FAM53A: variants seen among roughly 807,000 people sequenced by gnomAD.
FAM53A encodes family with sequence similarity 53 member A.
FAM53A carries 28 observed loss-of-function variants against 26.6 expected under a neutral mutation model. The observed-to-expected ratio is 1.05, with a 90% CI of 0.78 to 1.45. The LOEUF (loss-of-function observed/expected upper bound fraction) is 1.45. Ranked by LOEUF, FAM53A falls within the 40% of genes most tolerant of loss-of-function variation. The pLI is 0.00. For missense variants in FAM53A, 650 were observed against 575.8 expected (o/e 1.13, Z -1.32); for synonymous variants, 290 against 253.1 (o/e 1.15, Z -1.38).
At chr4:1,587,775 T>C in the FAM53A span, among the ~76,000 whole-genome samples, 2 of 152,200 alleles carry the variant, frequency 1.3e-5, no homozygotes, top group African/African-American at 4.8e-5. Context: ...TGTCTTCAGT[T>C]TTATTATTTA....
At position 1,644,454 on chromosome 4, in the gene FAM53A, C is replaced by T. The variant is rs1463821063; in HGVS notation, c.883-2847G>A. The stretch of plus-strand genomic sequence containing the variant: ...CTGTACAGCTCAGCGCCCAACAGCG[C>T]TAGCGAAGGCCACACGGAACTGAAG... On this transcript the variant is annotated intron_variant, in intron 4 of 4. Transcript: ENST00000308132. 5.2e-6 allele frequency: 7 copies of T among 1,350,366 alleles called. No homozygotes were observed. In the Admixed American group the frequency reaches 1.7e-4, roughly 33 times the overall value. 83.6% of individuals were successfully genotyped at this position (1,350,366 alleles called of 1,614,324 possible).
At chr4:1,631,870 A>T (rs1478083685) in intron 1 of FAM53A, among the ~76,000 whole-genome samples, 1 of 152,208 alleles carries the variant, frequency 6.6e-6, no homozygotes, top group Admixed American at 6.5e-5. Flanking sequence ...TTTAAAAATT[A>T]TCCAAGCCAC....
intron 4 of FAM53A, among the ~76,000 whole-genome samples, chr4:1,647,152 T>C (rs1712317539): frequency 6.7e-6 from 1 of 150,264 alleles, no homozygotes; most frequent in African/African-American, 2.4e-5. Flanking sequence ...ATGGCCAACA[T>C]AGTGAAACCC....
At chr4:1,596,769 G>A in the FAM53A span, among the ~76,000 whole-genome samples, 1 of 152,190 alleles carries the variant, frequency 6.6e-6, no homozygotes, top group Non-Finnish European at 1.5e-5. Flanking sequence ...TTAAAAGGGG[G>A]AAAGACAGAG....
At chr4:1,671,006 G>A (rs560341090) in intron 1 of FAM53A, among the ~76,000 whole-genome samples, 574 of 148,862 alleles carry the variant, frequency 3.9e-3, no homozygotes, top group Non-Finnish European at 6.8e-3. Flanking sequence ...CCCAGCGTCA[G>A]AGCCAACAGC....
chr4:1,591,114 T>C, the FAM53A span, among the ~76,000 whole-genome samples: 1 of 151,608 alleles, frequency 6.6e-6, no homozygotes, highest in Non-Finnish European at 1.5e-5. Flanking sequence ...AGAATTGCTA[T>C]CCCACATTGC....
At chr4:1,577,424 T>A in the FAM53A span, among the ~76,000 whole-genome samples, 1 of 151,802 alleles carries the variant, frequency 6.6e-6, no homozygotes, top group Non-Finnish European at 1.5e-5. Context: ...GGCCACAGGG[T>A]GCGGGGTGGT....
At chr4:1,614,618 G>A (rs1412794977), downstream of FAM53A, among the ~76,000 whole-genome samples, 4 of 152,108 alleles carry the variant, frequency 2.6e-5, no homozygotes, top group Admixed American at 6.5e-5. Flanking sequence ...CAGGTCAGCC[G>A]TCGCTGCCCC....
chr4:1,646,648 A>T (rs1032084329), intron 4 of FAM53A, among the ~76,000 whole-genome samples: 2 of 152,134 alleles, frequency 1.3e-5, no homozygotes, highest in African/African-American at 2.4e-5. Context: ...CTGCTCACTA[A>T]ACCCAAGACC....
chr4:1,649,435 G>A (rs1336910295), intron 4 of FAM53A, among the ~76,000 whole-genome samples: 1 of 152,202 alleles, frequency 6.6e-6, no homozygotes, highest in African/African-American at 2.4e-5. Context: ...GGAGAAGAGC[G>A]GTTTTGAAAT....
At chr4:1,649,952 GGC>G in intron 4 of FAM53A, among the ~76,000 whole-genome samples, 2 of 124,110 alleles carry the variant, frequency 1.6e-5, no homozygotes, top group African/African-American at 6.3e-5. Flanking sequence ...AGGTGGCACA[GGC>G]GTGGCGTTTG....
At chr4:1,596,397 C>T in the FAM53A span, among the ~76,000 whole-genome samples, 6 of 43,532 alleles carry the variant, frequency 1.4e-4, no homozygotes, top group African/African-American at 3.7e-4. Flanking sequence ...AGATCCAGTG[C>T]GCCCCCACCC....
intron 1 of FAM53A, among the ~76,000 whole-genome samples, chr4:1,633,352 AG>A (rs1242801400): frequency 6.6e-6 from 1 of 152,232 alleles, no homozygotes; most frequent in East Asian, 1.9e-4. Context: ...CCTGGGTCAG[AG>A]GGTAAATAAA....
chr4:1,619,961 G>A (rs1194212811), intron 1 of FAM53A, among the ~76,000 whole-genome samples: 2 of 152,162 alleles, frequency 1.3e-5, no homozygotes, highest in East Asian at 1.9e-4. Flanking sequence ...TGTAATCCCA[G>A]CACTTTCGGA....
chr4:1,582,935 G>A, the FAM53A span, among the ~76,000 whole-genome samples: 1 of 152,248 alleles, frequency 6.6e-6, no homozygotes, highest in Non-Finnish European at 1.5e-5. Context: ...GGTCCCAGAT[G>A]AAGGGATCAG....
At chr4:1,616,307 C>T (rs1291080114), downstream of FAM53A, among the ~76,000 whole-genome samples, 6 of 152,226 alleles carry the variant, frequency 3.9e-5, no homozygotes, top group South Asian at 2.1e-4. Context: ...CAGCCAGGCA[C>T]GCAGGTCCCC....
rs563924050 is a variant in FAM53A at position 1,626,976 on chromosome 4, G to A, written c.432-8865C>T. 1.3e-3 allele frequency among the ~76,000 whole-genome samples: 202 copies of A among 152,352 alleles called. 1 individual carries two copies. Among genetic ancestry groups the A allele is most frequent in the African/African-American group, 4.7e-3 (197 of 41,594 alleles). The stretch of plus-strand genomic sequence containing the variant: ...GGCCTGGAGGCTGCCTGAGGGCAGG[G>A]GCTGTGGGACAGGACAGACTAAGGC... On this transcript the variant is annotated intron_variant, in intron 1 of 1. Transcript: ENST00000489029.
chr4:1,652,640 C>T (rs1447656655), intron 4 of FAM53A, among the ~76,000 whole-genome samples: 1 of 147,804 alleles, frequency 6.8e-6, no homozygotes, highest in African/African-American at 2.5e-5. Context: ...ACACACCCAC[C>T]AGACATATCC....
upstream of FAM53A, chr4:1,684,314 G>C (rs1244658038): frequency 6.7e-6 from 1 of 150,134 alleles, no homozygotes; most frequent in Non-Finnish European, 1.5e-5. Context: ...CGCCTCAGCC[G>C]CGGCGGAACA....
Sources: gnomAD v4.1 joint callset for allele counts (sites outside exome capture counted in the v4.1 genomes callset) on GRCh38, gnomAD v4.1.1 for gene constraint, MANE v1.5 for transcripts, NCBI Gene and HGNC (gene_info 2026-07-23, HGNC 2026-07-21) for gene names.